SEPTIN4: variants seen among roughly 807,000 people sequenced by gnomAD.
SEPTIN4 encodes the protein septin-4.
Under a neutral mutation model 107.1 loss-of-function variants are expected in SEPTIN4, and 52 were observed. The observed-to-expected ratio is 0.49, with a 90% confidence interval of 0.39 to 0.61. The LOEUF (loss-of-function observed/expected upper bound fraction) is 0.61, where lower values mean the gene tolerates loss of function less well. Among genes scored for constraint, SEPTIN4 ranks in the 20% least tolerant of loss-of-function variants. SEPTIN4 has a pLI of 0.00. For synonymous variants in SEPTIN4, 417 were observed against 467.0 expected (o/e 0.89, Z 1.38); for missense variants, 1,048 against 1,243.5 (o/e 0.84, Z 2.36).
intron 7 of SEPTIN4, among the ~76,000 whole-genome samples, chr17:58,523,884 G>C (rs1437903625): frequency 6.6e-6 from 1 of 152,054 alleles, no homozygotes; most frequent in Non-Finnish European, 1.5e-5. Context: ...AAATCAATTG[G>C]AGAGGTGGTA....
intron 3 of SEPTIN4, among the ~76,000 whole-genome samples, chr17:58,537,300 G>A (rs2043745567): frequency 6.6e-6 from 1 of 152,192 alleles, no homozygotes; most frequent in South Asian, 2.1e-4. Context: ...CCAGGATTGA[G>A]GGGGTTCTTG....
intron 3 of SEPTIN4, among the ~76,000 whole-genome samples, chr17:58,533,639 C>A (rs1356750609): frequency 6.6e-6 from 1 of 152,156 alleles, no homozygotes; most frequent in Non-Finnish European, 1.5e-5. Flanking sequence ...TACAGAGAGG[C>A]TCCCGGAAAA....
chr17:58,520,723 A>G lies in SEPTIN4; in HGVS notation c.2931+20T>C, dbSNP rs761025508. 4 of 1,613,892 alleles carry G rather than the reference A, an allele frequency of 2.5e-6. No individual in the cohort carries two copies. In the Admixed American group the frequency reaches 5.0e-5, roughly 20 times the overall value. On this transcript the variant is annotated intron_variant, in intron 13 of 13. Coordinates refer to ENST00000672673, the MANE Select transcript of SEPTIN4 (RefSeq NM_001368771.2). ...GGTGATCAAACAGGAGACCTCCCCTATACCCCATACTGCTCTCACCTCCTC... is the reference window on the plus strand; with the variant it reads ...GGTGATCAAACAGGAGACCTCCCCTGTACCCCATACTGCTCTCACCTCCTC...
At position 58,522,019 on chromosome 17, in the gene SEPTIN4, G is replaced by A; in HGVS notation, c.2299C>T (p.Gln767Ter). 1 of 1,614,202 alleles carries A rather than the reference G, an allele frequency of 6.2e-7. No individual in the cohort carries two copies. Residue 767 changes from glutamine to a stop codon, truncating the protein, a stop_gained, in exon 8 of 14, where the codon CAA (glutamine) becomes TAA (stop). Coordinates refer to ENST00000672673, the MANE Select transcript of SEPTIN4 (RefSeq NM_001368771.2). LOFTEE classifies it high-confidence loss of function. Reference protein sequence around the residue: ...DESGLNRKNIQDNRVHCCLYF... With the variant: ...DESGLNRKNI ...AGGCAGCAGTGCACCCTGTTGTCTT[G>A]GATGTTCTTTCGGTTCAGGCCACTC... is the stretch of plus-strand genomic sequence containing the variant.
In SEPTIN4 at chr17:58,522,047, G is replaced by A. The variant is rs148226154; in HGVS notation, c.2271C>T (p.Asp757=). 1.5e-5 allele frequency: 25 copies of A among 1,614,046 alleles called. No individual in the cohort carries two copies. Among genetic ancestry groups the A allele is most frequent in the Middle Eastern group, 1.6e-4 (1 of 6,084 alleles). ...IDQQFEQYFR[D]ESGLNRKNIQ... is the part of the protein sequence containing the mutation. ...TGTTCTTTCGGTTCAGGCCACTCTC[G>A]TCTCGGAAATACTGCTCAAACTGCT... is the stretch of plus-strand genomic sequence containing the variant. Residue 757 remains aspartate (D), a synonymous_variant, in exon 8 of 14, where the codon GAC becomes GAT. Coordinates refer to ENST00000672673, the MANE Select transcript of SEPTIN4 (RefSeq NM_001368771.2).
At chr17:58,541,708 ACT>A in intron 2 of SEPTIN4, 8 of 1,369,920 alleles carry the variant, frequency 5.8e-6, no homozygotes, top group Non-Finnish European at 8.0e-6. Context: ...TTAAAAGGAG[ACT>A]CTTGAAAATG....
intron 3 of SEPTIN4, chr17:58,532,149 T>G: frequency 4.9e-6 from 5 of 1,015,774 alleles, no homozygotes; most frequent in East Asian, 7.9e-5. Context: ...CCTCAGCTGC[T>G]AGCGGTGCCG....
intron 3 of SEPTIN4, chr17:58,539,267 G>A (rs1432304018): frequency 3.5e-6 from 4 of 1,154,032 alleles, no homozygotes; most frequent in Middle Eastern, 2.0e-4. Context: ...TGTTGCCAAG[G>A]CTTTTGACTT....
At chr17:58,528,656 G>A (rs1221987700) in intron 3 of SEPTIN4, 2 of 183,210 alleles carry the variant, frequency 1.1e-5, no homozygotes, top group Admixed American at 5.7e-5. Context: ...GGGGCAGCAC[G>A]ACGTGTTGTC....
intron 2 of SEPTIN4, among the ~76,000 whole-genome samples, chr17:58,541,103 A>T (rs146362102): frequency 6.6e-6 from 1 of 152,306 alleles, no homozygotes; most frequent in Non-Finnish European, 1.5e-5. Context: ...GAGGAGCAGG[A>T]CTGCCCTTCT....
intron 3 of SEPTIN4, among the ~76,000 whole-genome samples, chr17:58,540,155 G>A (rs555329599): frequency 2.0e-5 from 3 of 152,232 alleles, no homozygotes; most frequent in South Asian, 4.2e-4. Flanking sequence ...ACAATGCAGC[G>A]AAATCAGGAC....
intron 12 of SEPTIN4, 50 bp downstream of exon 12, chr17:58,520,948 C>A: frequency 6.2e-7 from 1 of 1,612,146 alleles, no homozygotes; most frequent in Non-Finnish European, 8.5e-7. Flanking sequence ...TCACCCAAGG[C>A]TAGGCTTGGG....
In SEPTIN4 at chr17:58,532,360, C is replaced by T. The variant is rs149624858; in HGVS notation, c.1615-5382G>A. On this transcript the variant is annotated intron_variant, in intron 3 of 13. Coordinates refer to ENST00000672673, the MANE Select transcript of SEPTIN4 (RefSeq NM_001368771.2). ...GAGCCAGTTCCCAAAGAAAAAGGAA[C>T]GGCCCACCTGACATCCCCAGAAGGA... 107 of 154,984 alleles carry T rather than the reference C, an allele frequency of 6.9e-4. 1 individual carries two copies. The highest frequency in any genetic ancestry group is 2.5e-3 in the African/African-American group (106 of 41,684). The allele number at this position is 154,984 out of a possible 1,614,324, so 9.6% of individuals were successfully genotyped here. A position where few individuals can be genotyped will look rare whatever the true frequency, so the allele number is the denominator to read the frequency against.
In SEPTIN4 at chr17:58,520,300, G is replaced by T; in HGVS notation, c.*126C>A. 1 of 768,664 alleles carries T rather than the reference G, an allele frequency of 1.3e-6. No homozygotes were observed. The highest frequency in any genetic ancestry group is 2.7e-5 in the East Asian group (1 of 37,246). 47.6% of individuals were successfully genotyped at this position (768,664 alleles called of 1,614,324 possible). A position where few individuals can be genotyped will look rare whatever the true frequency, so the allele number is the denominator to read the frequency against. On this transcript the variant is annotated 3_prime_UTR_variant, in exon 14 of 14. Transcript: ENST00000672673. ...AACTTTATTTCCTCTGAGTCTCTGG[G>T]CAGTCAGCAGGGATGTAAGGCGAAG...
chr17:58,534,519 G>A (rs1441111964), intron 3 of SEPTIN4, among the ~76,000 whole-genome samples: 9 of 152,190 alleles, frequency 5.9e-5, no homozygotes, highest in East Asian at 3.8e-4. Context: ...GGGATTTACC[G>A]AGTGCTCTTC....
chr17:58,535,988 C>T (rs1307679599), intron 3 of SEPTIN4, among the ~76,000 whole-genome samples: 2 of 152,204 alleles, frequency 1.3e-5, no homozygotes, highest in Non-Finnish European at 2.9e-5. Context: ...CTCCCAGCCC[C>T]GTGGTTCACA....
At chr17:58,522,972 C>T (rs2042435254) in intron 7 of SEPTIN4, among the ~76,000 whole-genome samples, 1 of 152,210 alleles carries the variant, frequency 6.6e-6, no homozygotes, top group South Asian at 2.1e-4. Flanking sequence ...CTTTGCTCTT[C>T]TATTATCTTG....
intron 3 of SEPTIN4, chr17:58,532,185 C>G (rs1302101462): frequency 1.2e-6 from 1 of 852,680 alleles, no homozygotes. Context: ...GGGTGCCCAG[C>G]TGGGGGCCGG....
intron 3 of SEPTIN4, chr17:58,532,380 G>A (rs1721423146): frequency 6.5e-6 from 1 of 153,604 alleles, no homozygotes; most frequent in Non-Finnish European, 1.5e-5. Context: ...GACATCCCCA[G>A]AAGGAGACGC....
Sources: gnomAD v4.1 joint callset for allele counts (sites outside exome capture counted in the v4.1 genomes callset) on GRCh38, gnomAD v4.1.1 for gene constraint, MANE v1.5 for transcripts, NCBI Gene and HGNC (gene_info 2026-07-23, HGNC 2026-07-21) for gene names.